Variants in DYM observed in about 807,000 individuals in gnomAD.
DYM encodes the protein dymeclin.
DYM carries 78 observed loss-of-function variants against 93.1 expected under a neutral mutation model. The observed-to-expected ratio is 0.84, with a 90% CI of 0.70 to 1.01. The LOEUF is 1.01. Among genes scored for constraint, DYM ranks in the 50% least tolerant of loss-of-function variants. The probability of loss-of-function intolerance (pLI) is 0.00; values close to 1 mark genes in which losing one functional copy is unlikely to be tolerated. For missense variants in DYM, 789 were observed against 845.0 expected, an observed-to-expected ratio of 0.93 and a Z score of 0.82; for synonymous variants, 321 against 319.7, an observed-to-expected ratio of 1.00 and a Z score of -0.04.
chr18:49,309,144 A>G (rs1417101024), intron 8 of DYM, among the ~76,000 whole-genome samples: 1 of 152,194 alleles, frequency 6.6e-6, no homozygotes, highest in East Asian at 1.9e-4. Context: ...TTAAATATCT[A>G]TGAAAGTTAT....
chr18:49,281,013 G>A (rs987491907), intron 10 of DYM, among the ~76,000 whole-genome samples: 12 of 152,126 alleles, frequency 7.9e-5, no homozygotes, highest in African/African-American at 2.4e-4. Flanking sequence ...GAGTGAACAG[G>A]CAACCTACAG....
rs368171655 is a variant in DYM at position 49,424,907 on chromosome 18, T to C, written c.140+5348A>G. On this transcript the variant is annotated intron_variant, in intron 2 of 17. Transcript: ENST00000675505. ...CGAAATAAAAGAGGACACAAACAAA[T>C]GGAAGAACATTCCATGCTCATGGAT... is the stretch of plus-strand genomic sequence containing the variant. Among the ~76,000 whole-genome samples, 1,187 of 152,240 alleles carry C rather than the reference T, an allele frequency of 7.8e-3. 34 individuals carry two copies. Among genetic ancestry groups the C allele is most frequent in the South Asian group, 0.076 (366 of 4,822 alleles).
intron 13 of DYM, among the ~76,000 whole-genome samples, chr18:49,251,345 A>G (rs2094283243): frequency 1.3e-5 from 2 of 152,204 alleles, no homozygotes; most frequent in African/African-American, 2.4e-5. Flanking sequence ...AGAAGAGCAT[A>G]TACATGCAAA....
chr18:49,293,919 G>C (rs1169491967), intron 8 of DYM, among the ~76,000 whole-genome samples: 1 of 152,124 alleles, frequency 6.6e-6, no homozygotes, highest in African/African-American at 2.4e-5. Context: ...GTATTGCCTA[G>C]GTTTTCTTCT....
At chr18:49,202,334 G>C (rs560830170) in intron 14 of DYM, among the ~76,000 whole-genome samples, 1 of 151,902 alleles carries the variant, frequency 6.6e-6, no homozygotes, top group Non-Finnish European at 1.5e-5. Flanking sequence ...GCGTGATCTC[G>C]GCTCACTACA....
chr18:49,422,130 A>G (rs2073784528), intron 2 of DYM, among the ~76,000 whole-genome samples: 1 of 152,218 alleles, frequency 6.6e-6, no homozygotes, highest in Non-Finnish European at 1.5e-5. Flanking sequence ...GCAGGCCAAC[A>G]TTCAAATTCA....
At chr18:49,103,039 A>C (rs2080352770) in intron 16 of DYM, among the ~76,000 whole-genome samples, 1 of 152,194 alleles carries the variant, frequency 6.6e-6, no homozygotes, top group African/African-American at 2.4e-5. Flanking sequence ...CCAACAGTGT[A>C]AGAGTGTTCC....
chr18:49,433,459 T>C (rs1933663647), intron 1 of DYM, among the ~76,000 whole-genome samples: 1 of 152,180 alleles, frequency 6.6e-6, no homozygotes, highest in Admixed American at 6.5e-5. Flanking sequence ...CTGAGAAGAT[T>C]CCAGAAGCAG....
At chr18:49,438,734 T>A (rs1361206176) in intron 1 of DYM, among the ~76,000 whole-genome samples, 1 of 152,116 alleles carries the variant, frequency 6.6e-6, no homozygotes, top group Non-Finnish European at 1.5e-5. Flanking sequence ...ACAGGAGGAA[T>A]AAGTTCAGAC....
At chr18:49,381,083 A>T (rs2068004835) in intron 3 of DYM, among the ~76,000 whole-genome samples, 1 of 151,916 alleles carries the variant, frequency 6.6e-6, no homozygotes, top group Non-Finnish European at 1.5e-5. Context: ...TGCAACCTTG[A>T]GCTCCTGGGT....
chr18:49,380,645 T>C (rs1321895063), intron 3 of DYM, among the ~76,000 whole-genome samples: 12 of 152,202 alleles, frequency 7.9e-5, no homozygotes. Flanking sequence ...GAAATTGGAC[T>C]TAAGGAAACT....
intron 10 of DYM, among the ~76,000 whole-genome samples, chr18:49,278,379 C>T (rs947321019): frequency 7.9e-5 from 12 of 152,062 alleles, no homozygotes; most frequent in Admixed American, 2.6e-4. Flanking sequence ...AAATACCAGC[C>T]GAATCTCTGT....
rs147072576 is a variant in DYM at position 49,235,796 on chromosome 18, G to GA, written c.1460+21213dup. On this transcript the variant is annotated intron_variant, in intron 13 of 17. Coordinates refer to ENST00000675505, the MANE Select transcript of DYM (RefSeq NM_001353214.3). ...GAAAGAAAAAAAAAAACTGTGGCTT[G>GA]AAAAAATGCCTAAAATCTTTCGATC... Among the ~76,000 whole-genome samples, 94 of 147,858 alleles carry GA rather than the reference G, an allele frequency of 6.4e-4. 2 individuals are homozygous for GA. The East Asian group carries it at 0.014, about 22-fold the overall frequency.
chr18:49,131,175 A>C (rs951004080), intron 15 of DYM, among the ~76,000 whole-genome samples: 7 of 152,248 alleles, frequency 4.6e-5, no homozygotes, highest in Non-Finnish European at 1.0e-4. Context: ...GAGGAAAAAC[A>C]CAAATATCCA....
At chr18:49,090,597 T>C (rs2078956873) in intron 17 of DYM, among the ~76,000 whole-genome samples, 1 of 152,192 alleles carries the variant, frequency 6.6e-6, no homozygotes, top group South Asian at 2.1e-4. Context: ...AACATACACA[T>C]GCTCTACATG....
Position 49,257,118 on chromosome 18 carries a change from G to C in DYM, c.1366-14C>G. On this transcript the variant is annotated splice_polypyrimidine_tract_variant and intron_variant, in intron 12 of 17. Coordinates refer to ENST00000675505, the MANE Select transcript of DYM (RefSeq NM_001353214.3). ...AAGGTACTTGTCCTGTGAGGAAACA[G>C]CGGGTGTAAAACATACAATCAAGTC... is the stretch of plus-strand genomic sequence containing the variant. 6.3e-7 allele frequency: 1 copy of C among 1,598,978 alleles called. No individual in the cohort carries two copies. Among genetic ancestry groups the C allele is most frequent in the South Asian group, 1.1e-5 (1 of 90,770 alleles).
At chr18:49,300,318 G>T (rs1233989756) in intron 8 of DYM, among the ~76,000 whole-genome samples, 1 of 151,810 alleles carries the variant, frequency 6.6e-6, no homozygotes, top group East Asian at 1.9e-4. Context: ...TTACATAGTA[G>T]GCCGGGTGCC....
At chr18:49,222,491 T>C (rs1220483302) in intron 13 of DYM, among the ~76,000 whole-genome samples, 2 of 152,080 alleles carry the variant, frequency 1.3e-5, no homozygotes, top group Non-Finnish European at 2.9e-5. Context: ...CTGTCAAAGA[T>C]AAATGCAGTC....
intron 5 of DYM, 60 bp from the exon 6 acceptor site, chr18:49,363,293 C>G (rs1599687248): frequency 8.4e-7 from 1 of 1,190,778 alleles, no homozygotes; most frequent in East Asian, 2.4e-5. Flanking sequence ...TACAGTTGTT[C>G]AGAAGTTACA....
Sources: allele counts gnomAD v4.1 joint callset (sites outside exome capture counted in the v4.1 genomes callset), GRCh38; gene constraint gnomAD v4.1.1; transcripts MANE v1.5; gene names NCBI Gene and HGNC (gene_info 2026-07-23, HGNC 2026-07-21).